The following PIWIL2 variants were observed in gnomAD, a reference collection of about 807,000 sequenced individuals.
PIWIL2 encodes piwi like RNA-mediated gene silencing 2.
A neutral mutation model predicts 116.5 loss-of-function variants in PIWIL2; 81 were observed. The ratio of observed to expected loss-of-function variants is 0.70; its 90% CI spans 0.58 to 0.84. The LOEUF (loss-of-function observed/expected upper bound fraction) is 0.84, where lower values mean the gene tolerates loss of function less well. PIWIL2 is among the 40% of genes least tolerant of loss of function. The pLI, the probability that PIWIL2 is intolerant of heterozygous loss-of-function variation, is 0.00. For synonymous variants in PIWIL2, 489 were observed against 429.5 expected (o/e 1.14, Z -1.71); for missense variants, 1,272 against 1,212.3 (o/e 1.05, Z -0.73).
intron 3 of PIWIL2, 71 bp from the exon 4 acceptor site, chr8:22,281,306 T>TAAA: frequency 3.2e-6 from 4 of 1,246,570 alleles, no homozygotes; most frequent in Non-Finnish European, 4.4e-6. Flanking sequence ...GTGCTTTTTT[T>TAAA]AAAAAAAAAA....
At position 22,343,780 on chromosome 8, in the gene PIWIL2, G is replaced by A. The variant is rs559368777; in HGVS notation, c.2404-9179G>A. Among the ~76,000 whole-genome samples, 7 of 152,160 alleles carry A rather than the reference G, an allele frequency of 4.6e-5. No homozygotes were observed. The South Asian group carries it at 6.2e-4, about 14-fold the overall frequency. On this transcript the variant is annotated intron_variant, in intron 20 of 22. Coordinates refer to ENST00000356766, the MANE Select transcript of PIWIL2 (RefSeq NM_018068.5). ...TAGAGCCATAGGAACGCTCACTCAC[G>A]GCTGGTGAGAATGGAAATGGTACAA...
intron 14 of PIWIL2, among the ~76,000 whole-genome samples, chr8:22,308,999 T>C (rs1376510854): frequency 6.6e-6 from 1 of 152,104 alleles, no homozygotes; most frequent in Non-Finnish European, 1.5e-5. Flanking sequence ...TTCATTCTTG[T>C]TGGCCAGGCT....
intron 10 of PIWIL2, among the ~76,000 whole-genome samples, chr8:22,292,713 GA>G (rs1053043347): frequency 6.6e-6 from 1 of 152,234 alleles, no homozygotes; most frequent in Non-Finnish European, 1.5e-5. Flanking sequence ...TTTATAGACA[GA>G]AAAGGGCCAG....
At position 22,290,231 on chromosome 8, in the gene PIWIL2, A is replaced by G; in HGVS notation, c.1068-2A>G. On this transcript the variant is annotated splice_acceptor_variant, in intron 9 of 22. Coordinates refer to ENST00000356766, the MANE Select transcript of PIWIL2 (RefSeq NM_018068.5). LOFTEE classifies it high-confidence loss of function. ...TACAGTTGAGACCACCTCTCTCTCC[A>G]GATTGCAGATCTGGCCAGGCTATGC... 2 of 1,582,538 alleles carry G rather than the reference A, an allele frequency of 1.3e-6. No individual in the cohort carries two copies. The highest frequency in any genetic ancestry group is 1.7e-6 in the Non-Finnish European group (2 of 1,152,292).
intron 20 of PIWIL2, among the ~76,000 whole-genome samples, chr8:22,320,977 G>A (rs1469137051): frequency 6.6e-6 from 1 of 152,172 alleles, no homozygotes; most frequent in African/African-American, 2.4e-5. Flanking sequence ...CTACTAAGCT[G>A]ACACTCCTGG....
intron 10 of PIWIL2, among the ~76,000 whole-genome samples, chr8:22,303,160 T>A (rs1055349086): frequency 1.3e-5 from 2 of 152,174 alleles, no homozygotes; most frequent in African/African-American, 4.8e-5. Flanking sequence ...AATAGTCCCT[T>A]GGTGGTGACA....
At chr8:22,276,094 GA>G (rs1225381324) in intron 1 of PIWIL2, 2 of 152,350 alleles carry the variant, frequency 1.3e-5, no homozygotes, top group South Asian at 4.1e-4. Flanking sequence ...GGTGTGAGCA[GA>G]GTCCTGGCTC....
chr8:22,304,542 C>T (rs1011773700), intron 11 of PIWIL2, among the ~76,000 whole-genome samples: 2 of 152,094 alleles, frequency 1.3e-5, no homozygotes, highest in African/African-American at 4.8e-5. Flanking sequence ...AACCCTTTAG[C>T]CTGATGTTTT....
intron 11 of PIWIL2, 65 bp from the exon 12 acceptor site, chr8:22,304,719 A>C (rs944064737): frequency 4.4e-6 from 4 of 906,566 alleles, no homozygotes; most frequent in Non-Finnish European, 5.6e-6. Context: ...AGAGACTCAG[A>C]CTATGGTGCT....
At chr8:22,280,240 C>G (rs1231144655) in intron 2 of PIWIL2, among the ~76,000 whole-genome samples, 1 of 152,080 alleles carries the variant, frequency 6.6e-6, no homozygotes. Flanking sequence ...GGTTTTGGCT[C>G]TATGATATTA....
At chr8:22,345,034 C>A (rs1040338750) in intron 20 of PIWIL2, among the ~76,000 whole-genome samples, 1 of 151,788 alleles carries the variant, frequency 6.6e-6, no homozygotes, top group African/African-American at 2.4e-5. Flanking sequence ...TTAAGCATGC[C>A]GGGCTTAGAG....
chr8:22,284,029 T>A, intron 5 of PIWIL2, 133 bp from the exon 6 acceptor site: 1 of 537,660 alleles, frequency 1.9e-6, no homozygotes, highest in Non-Finnish European at 3.3e-6. Flanking sequence ...TGCCTCTTGA[T>A]ATGTGTATCT....
intron 14 of PIWIL2, 122 bp from the exon 15 acceptor site, chr8:22,309,838 CA>C: frequency 6.9e-6 from 4 of 577,110 alleles, no homozygotes; most frequent in Non-Finnish European, 1.3e-5. Context: ...CTGCTAGTCT[CA>C]AAAGTTCTAA....
At chr8:22,316,859 C>G (rs980460352) in intron 19 of PIWIL2, among the ~76,000 whole-genome samples, 1 of 151,628 alleles carries the variant, frequency 6.6e-6, no homozygotes, top group African/African-American at 2.4e-5. Context: ...ATGATCACAG[C>G]TCACTGCAAC....
intron 20 of PIWIL2, among the ~76,000 whole-genome samples, chr8:22,327,760 C>T (rs1156503173): frequency 2.0e-5 from 3 of 152,034 alleles, no homozygotes; most frequent in Admixed American, 6.6e-5. Context: ...GCTTGTTGCT[C>T]GTTTGTGTCA....
chr8:22,337,238 T>A (rs1832000368), intron 20 of PIWIL2, among the ~76,000 whole-genome samples: 1 of 151,840 alleles, frequency 6.6e-6, no homozygotes, highest in Admixed American at 6.6e-5. Flanking sequence ...GAAAAGAACT[T>A]ACATTAGAAA....
At chr8:22,336,726 T>G (rs1043508415) in intron 20 of PIWIL2, among the ~76,000 whole-genome samples, 2 of 152,120 alleles carry the variant, frequency 1.3e-5, no homozygotes, top group Non-Finnish European at 2.9e-5. Flanking sequence ...GGTAACATAG[T>G]GAGACCCTGT....
rs1425803565 is a variant in PIWIL2, at chr8:22,318,222, A to G, written c.2350A>G (p.Ile784Val). 2 of 1,613,594 alleles carry G rather than the reference A, an allele frequency of 1.2e-6. No individual in the cohort carries two copies. The highest frequency in any genetic ancestry group is 3.3e-5 in the Admixed American group (2 of 59,976). Residue 784 changes from isoleucine to valine, a missense_variant, in exon 20 of 23, where the codon ATT becomes GTT. By Grantham distance (29) the Ile-to-Val change is conservative. Coordinates refer to ENST00000356766, the MANE Select transcript of PIWIL2 (RefSeq NM_018068.5). ...RVVFQMPHQEIVDSLKLCLVG... is the reference protein window; with the variant it reads ...RVVFQMPHQEVVDSLKLCLVG... The stretch of plus-strand genomic sequence containing the variant: ...GGTGTTCCAGATGCCGCATCAGGAG[A>G]TTGTGGACAGCCTGAAGCTATGCCT...
In PIWIL2 at chr8:22,296,020, C is replaced by CTTTTTTTTTTTTTTTTTT. The variant is rs67357452; in HGVS notation, c.1181+5695_1181+5712dup. ...ACTGTCTTGGGGTTCCTCTTCCCTT[C>CTTTTTTTTTTTTTTTTTT]TTTTTTTTTTTTTTTTTTTTTTTTT... On this transcript the variant is annotated intron_variant, in intron 10 of 22. Coordinates refer to ENST00000356766, the MANE Select transcript of PIWIL2 (RefSeq NM_018068.5). 2.4e-4 allele frequency among the ~76,000 whole-genome samples: 25 copies of CTTTTTTTTTTTTTTTTTT among 102,826 alleles called. 2 individuals carry two copies. Among genetic ancestry groups the CTTTTTTTTTTTTTTTTTT allele is most frequent in the East Asian group, 4.9e-4 (2 of 4,054 alleles). 67.5% of individuals were successfully genotyped at this position (102,826 alleles called of 152,430 possible).
Sources: allele counts gnomAD v4.1 joint callset (sites outside exome capture counted in the v4.1 genomes callset), GRCh38; gene constraint gnomAD v4.1.1; transcripts MANE v1.5; gene names NCBI Gene and HGNC (gene_info 2026-07-23, HGNC 2026-07-21).